The following CALN1 variants were observed in gnomAD, a reference collection of about 807,000 sequenced individuals.
CALN1 encodes the protein calneuron 1.
A neutral mutation model predicts 30.6 loss-of-function variants in CALN1; 17 were observed. The ratio of observed to expected loss-of-function variants is 0.56; its 90% confidence interval spans 0.38 to 0.83. CALN1 has a LOEUF of 0.83. Among genes scored for constraint, CALN1 ranks in the 40% least tolerant of loss-of-function variants. The pLI is 0.00. For missense variants in CALN1, 291 were observed against 354.9 expected (o/e 0.82, Z 1.45); for synonymous variants, 156 against 131.4 (o/e 1.19, Z -1.28).
intron 3 of CALN1, among the ~76,000 whole-genome samples, chr7:72,115,284 AG>A (rs1807896185): frequency 6.8e-6 from 1 of 147,730 alleles, no homozygotes; most frequent in East Asian, 2.0e-4. Context: ...ACTTAGATGG[AG>A]GGGTGGATAC....
intron 5 of CALN1, among the ~76,000 whole-genome samples, chr7:71,921,184 T>TCACA (rs988947573): frequency 1.3e-5 from 2 of 151,818 alleles, no homozygotes; most frequent in Admixed American, 1.3e-4. Flanking sequence ...GAGAGATACA[T>TCACA]CACACACACA....
intron 5 of CALN1, among the ~76,000 whole-genome samples, chr7:72,009,111 GAACAA>G (rs1423140945): frequency 1.3e-5 from 2 of 151,860 alleles, no homozygotes; most frequent in Admixed American, 6.6e-5. Flanking sequence ...AAAAAAATGA[GAACAA>G]AACAAAAAAG....
intron 1 of CALN1, among the ~76,000 whole-genome samples, chr7:72,410,406 T>C (rs1807043506): frequency 6.6e-6 from 1 of 152,234 alleles, no homozygotes; most frequent in Admixed American, 6.5e-5. Context: ...ATGGAATTCC[T>C]TGAAAGATGC....
At chr7:72,320,873 C>G (rs193018581) in intron 2 of CALN1, among the ~76,000 whole-genome samples, 7 of 151,430 alleles carry the variant, frequency 4.6e-5, no homozygotes, top group Non-Finnish European at 7.4e-5. Context: ...ACAGAGGCAG[C>G]CTAACCTAGC....
At chr7:72,318,659 G>A (rs537078827) in intron 2 of CALN1, among the ~76,000 whole-genome samples, 1 of 144,510 alleles carries the variant, frequency 6.9e-6, no homozygotes, top group African/African-American at 2.5e-5. Context: ...TCCTGCCTCA[G>A]TCTCCTGAGT....
intron 1 of CALN1, among the ~76,000 whole-genome samples, chr7:72,429,331 C>T (rs1038759630): frequency 2.6e-5 from 4 of 152,144 alleles, no homozygotes; most frequent in Non-Finnish European, 5.9e-5. Context: ...TGGTTTTGTT[C>T]CTTGCAACAT....
At chr7:72,178,695 A>AAG (rs1357368835) in intron 3 of CALN1, among the ~76,000 whole-genome samples, 3 of 152,064 alleles carry the variant, frequency 2.0e-5, no homozygotes, top group Admixed American at 2.0e-4. Context: ...TGTCAAAAAA[A>AAG]AAAAAGAAAG....
the CALN1 span, among the ~76,000 whole-genome samples, chr7:72,501,928 A>AAAATATATATATATATATAT: frequency 1.7e-5 from 1 of 57,968 alleles, no homozygotes; most frequent in Non-Finnish European, 3.1e-5. Flanking sequence ...AAAAAAAAAA[A>AAAATATATATATATATATAT]ATATATATAT....
intron 3 of CALN1, among the ~76,000 whole-genome samples, chr7:72,123,612 C>CGGAAGCTCAGG (rs1808544080): frequency 6.6e-6 from 1 of 152,176 alleles, no homozygotes; most frequent in Non-Finnish European, 1.5e-5. Flanking sequence ...GACTGGCTCA[C>CGGAAGCTCAGG]GGAAGCTCAG....
chr7:71,970,780 A>C (rs1797754886), intron 5 of CALN1, among the ~76,000 whole-genome samples: 1 of 152,172 alleles, frequency 6.6e-6, no homozygotes, highest in South Asian at 2.1e-4. Context: ...GGCTCAAGTC[A>C]TCACCATCCC....
intron 2 of CALN1, among the ~76,000 whole-genome samples, chr7:72,292,820 C>CAA (rs57352664): frequency 0.52 from 58,946 of 112,860 alleles, 15,568 homozygotes; most frequent in South Asian, 0.73. Flanking sequence ...TACTCTGTCT[C>CAA]AAAAAAAAAA....
rs549635445 is a variant in CALN1, at chr7:72,069,550, G to A, written c.388+36601C>T. On this transcript the variant is annotated intron_variant, in intron 4 of 6. Transcript: ENST00000395275. ...TTCTGGCTACACCACTCCAATCTCT[G>A]CTCCATCTTCACAAGGCCTTCTTTT... Among the ~76,000 whole-genome samples the A allele has an allele frequency of 8.2e-4, 124 of 152,082 alleles. 1 individual carries two copies. Among genetic ancestry groups the A allele is most frequent in the African/African-American group, 2.7e-3 (113 of 41,506 alleles).
chr7:72,172,108 C>G lies in CALN1; in HGVS notation c.245-65814G>C, dbSNP rs1325999031. On this transcript the variant is annotated intron_variant, in intron 3 of 6. Coordinates refer to ENST00000395275, the MANE Select transcript of CALN1 (RefSeq NM_031468.4). ...AACAAAAGAGTAATCCACCAGGGAA[C>G]AGACCCATGGGGTCCAGCCTGATTG... Among the ~76,000 whole-genome samples, 3 of 152,212 alleles carry G rather than the reference C, an allele frequency of 2.0e-5. No homozygotes were observed. In the East Asian group the frequency reaches 5.8e-4, roughly 29 times the overall value.
chr7:71,841,140 G>A (rs1050445335), intron 5 of CALN1, among the ~76,000 whole-genome samples: 19 of 152,116 alleles, frequency 1.2e-4, no homozygotes, highest in African/African-American at 4.6e-4. Context: ...TAGAATCCTA[G>A]GAGAGGAGAT....
intron 2 of CALN1, among the ~76,000 whole-genome samples, chr7:72,360,165 G>T (rs1471919274): frequency 6.6e-6 from 1 of 152,060 alleles, no homozygotes; most frequent in Non-Finnish European, 1.5e-5. Context: ...TGGGAAATTT[G>T]ATTTTGGCCT....
chr7:72,458,176 T>C, the CALN1 span, among the ~76,000 whole-genome samples: 8 of 71,700 alleles, frequency 1.1e-4, no homozygotes, highest in African/African-American at 3.2e-4. Context: ...TTATTTTATG[T>C]ATTATATTTA....
intron 3 of CALN1, among the ~76,000 whole-genome samples, chr7:72,154,599 C>T (rs1052418555): frequency 6.6e-6 from 1 of 151,972 alleles, no homozygotes; most frequent in Non-Finnish European, 1.5e-5. Context: ...CCCTTTTTGC[C>T]CTGATATAAC....
chr7:72,035,936 A>G (rs1801769349), intron 4 of CALN1, among the ~76,000 whole-genome samples: 1 of 152,178 alleles, frequency 6.6e-6, no homozygotes, highest in Non-Finnish European at 1.5e-5. Flanking sequence ...CTTTATTGTG[A>G]TCTTTATTGC....
At chr7:71,966,310 C>T (rs920182280) in intron 5 of CALN1, among the ~76,000 whole-genome samples, 19 of 152,160 alleles carry the variant, frequency 1.2e-4, no homozygotes, top group African/African-American at 4.6e-4. Context: ...GAATCCTGCC[C>T]TAGGTCAATG....
Sources: gnomAD v4.1 joint callset for allele counts (sites outside exome capture counted in the v4.1 genomes callset) on GRCh38, gnomAD v4.1.1 for gene constraint, MANE v1.5 for transcripts, NCBI Gene and HGNC (gene_info 2026-07-23, HGNC 2026-07-21) for gene names.